BBS9: variants seen among roughly 807,000 people sequenced by gnomAD.
BBS9 encodes Bardet-Biedl syndrome 9.
Under a neutral mutation model 117.7 loss-of-function variants are expected in BBS9, and 89 were observed. The observed-to-expected ratio is 0.76, with a 90% CI of 0.64 to 0.90. The LOEUF (loss-of-function observed/expected upper bound fraction) is 0.90. BBS9 is among the 40% of genes least tolerant of loss of function. The pLI, the probability that BBS9 is intolerant of heterozygous loss-of-function variation, is 0.00. For synonymous variants in BBS9, 379 were observed against 370.9 expected (o/e 1.02, Z -0.25); for missense variants, 982 against 1,042.2 (o/e 0.94, Z 0.80).
intron 9 of BBS9, among the ~76,000 whole-genome samples, chr7:33,299,519 C>T (rs1805941212): frequency 6.7e-6 from 1 of 149,398 alleles, no homozygotes; most frequent in Non-Finnish European, 1.5e-5. Context: ...ATAATGTTCT[C>T]TTCCAAAATA....
chr7:33,236,761 A>AT (rs1346243673), intron 5 of BBS9, among the ~76,000 whole-genome samples: 4 of 151,650 alleles, frequency 2.6e-5, no homozygotes, highest in African/African-American at 4.8e-5. Context: ...TTATCAACTT[A>AT]TTTTTTTTGT....
At chr7:33,330,529 T>C (rs559673037) in intron 9 of BBS9, among the ~76,000 whole-genome samples, 3 of 152,346 alleles carry the variant, frequency 2.0e-5, no homozygotes, top group South Asian at 2.1e-4. Context: ...TGCGTTCTTA[T>C]AGCAAAAGTT....
chr7:33,349,070 C>A lies in BBS9; in HGVS notation c.1332C>A (p.Val444=). The A allele has an allele frequency of 1.3e-6, 2 of 1,596,574 alleles. No homozygotes were observed. Among genetic ancestry groups the A allele is most frequent in the South Asian group, 1.1e-5 (1 of 90,638 alleles). ...GATAACAATTTCTGTTTCCTTAGGT[C>A]ACACTGCAGAACAGAGTGATATTGC... ...TDLVPSVTVK[V]TLQNRVILQK... The change falls in exon 13 of 23, where the codon GTC becomes GTA. Residue 444 remains valine (V), a splice_region_variant and synonymous_variant. Coordinates refer to ENST00000242067, the MANE Select transcript of BBS9 (RefSeq NM_198428.3).
chr7:33,573,572 A>C (rs1202719806), intron 21 of BBS9, among the ~76,000 whole-genome samples: 1 of 152,116 alleles, frequency 6.6e-6, no homozygotes, highest in Non-Finnish European at 1.5e-5. Flanking sequence ...AGTAGTTTCA[A>C]CTGTTTTGCT....
chr7:33,384,126 T>C (rs1187780299), intron 18 of BBS9, among the ~76,000 whole-genome samples: 2 of 152,208 alleles, frequency 1.3e-5, no homozygotes, highest in Admixed American at 6.5e-5. Context: ...AATAACCCAG[T>C]GTTAAAACTA....
At chr7:33,404,397 T>G (rs1829538456) in intron 19 of BBS9, among the ~76,000 whole-genome samples, 1 of 152,150 alleles carries the variant, frequency 6.6e-6, no homozygotes, top group Non-Finnish European at 1.5e-5. Flanking sequence ...ATTGGTAGCT[T>G]GATGGGGATG....
At chr7:33,403,803 T>C (rs1326684624) in intron 19 of BBS9, among the ~76,000 whole-genome samples, 1 of 152,102 alleles carries the variant, frequency 6.6e-6, no homozygotes, top group Middle Eastern at 3.2e-3. Context: ...TATAGCAGCA[T>C]GATTTATAGT....
At chr7:33,526,827 C>G (rs535852347) in intron 20 of BBS9, among the ~76,000 whole-genome samples, 256 of 150,572 alleles carry the variant, frequency 1.7e-3, no homozygotes, top group Admixed American at 3.3e-3. Context: ...AGGCCCTCTG[C>G]TTTTTAGAGT....
intron 9 of BBS9, among the ~76,000 whole-genome samples, chr7:33,317,426 T>A (rs1440292808): frequency 1.3e-5 from 2 of 150,986 alleles, no homozygotes; most frequent in African/African-American, 4.9e-5. Flanking sequence ...TTATGTTGCA[T>A]CTGTAGATCA....
At chr7:33,313,458 A>G (rs900239010) in intron 9 of BBS9, among the ~76,000 whole-genome samples, 7 of 152,140 alleles carry the variant, frequency 4.6e-5, no homozygotes, top group African/African-American at 7.2e-5. Flanking sequence ...CTGGTTAGCA[A>G]TTGTTTAGTC....
chr7:33,572,875 A>G (rs1858057514), intron 21 of BBS9, among the ~76,000 whole-genome samples: 2 of 152,006 alleles, frequency 1.3e-5, no homozygotes, highest in Admixed American at 1.3e-4. Flanking sequence ...TAAAATTAAT[A>G]TAGGATTGAT....
intron 21 of BBS9, among the ~76,000 whole-genome samples, chr7:33,544,927 G>T (rs1291465357): frequency 1.3e-5 from 2 of 152,048 alleles, no homozygotes; most frequent in Admixed American, 6.5e-5. Flanking sequence ...GTACCTAGGA[G>T]GTTTATGGCT....
At chr7:33,430,899 A>G (rs928170062) in intron 19 of BBS9, among the ~76,000 whole-genome samples, 4 of 152,082 alleles carry the variant, frequency 2.6e-5, no homozygotes, top group African/African-American at 9.7e-5. Flanking sequence ...AGATTTGACA[A>G]TGGTACTGGC....
At chr7:33,174,782 G>A (rs1797087864) in intron 4 of BBS9, among the ~76,000 whole-genome samples, 1 of 152,204 alleles carries the variant, frequency 6.6e-6, no homozygotes, top group Non-Finnish European at 1.5e-5. Flanking sequence ...TAAACCAGGT[G>A]ACTCTTGGAG....
intron 9 of BBS9, among the ~76,000 whole-genome samples, chr7:33,325,578 T>C (rs1463986784): frequency 1.4e-4 from 21 of 152,194 alleles, no homozygotes; most frequent in Admixed American, 1.4e-3. Context: ...GTTAGGTATT[T>C]ATTGTAGCCT....
At chr7:33,246,288 C>T (rs1312567158) in intron 5 of BBS9, among the ~76,000 whole-genome samples, 3 of 148,830 alleles carry the variant, frequency 2.0e-5, no homozygotes, top group Admixed American at 6.7e-5. Context: ...AATTTCCTGG[C>T]TTTAGTTGTT....
In BBS9 at chr7:33,193,421, C is replaced by CGTTTTTTTTTTTTTTTTT. The variant is rs1562773513; in HGVS notation, c.442+15830_442+15831insGTTTTTTTTTTTTTTTTT. 1.5e-4 allele frequency among the ~76,000 whole-genome samples: 10 copies of CGTTTTTTTTTTTTTTTTT among 67,792 alleles called. 4 individuals carry two copies. The highest frequency in any genetic ancestry group is 3.3e-4 in the Non-Finnish European group (10 of 30,422). The allele number at this position is 67,792 out of a possible 152,430, so 44.5% of individuals were successfully genotyped here. On this transcript the variant is annotated intron_variant, in intron 5 of 22. Coordinates refer to ENST00000242067, the MANE Select transcript of BBS9 (RefSeq NM_198428.3). ...TTGTCTTCCCCTGTCCCTCTCTCTG[C>CGTTTTTTTTTTTTTTTTT]CTTTTTTTTTTTTTTTTTTTGTAGT...
chr7:33,138,972 G>T (rs1010194390), intron 1 of BBS9, among the ~76,000 whole-genome samples: 5 of 151,288 alleles, frequency 3.3e-5, no homozygotes, highest in East Asian at 2.2e-4. Context: ...GAGAAATGAG[G>T]CCAGGTGTGG....
At chr7:33,465,249 A>AG (rs1262496010) in intron 19 of BBS9, among the ~76,000 whole-genome samples, 2 of 149,716 alleles carry the variant, frequency 1.3e-5, no homozygotes, top group East Asian at 3.9e-4. Flanking sequence ...AAAAAAAAAA[A>AG]CATGATTTAT....
Sources: allele counts gnomAD v4.1 joint callset (sites outside exome capture counted in the v4.1 genomes callset), GRCh38; gene constraint gnomAD v4.1.1; transcripts MANE v1.5; gene names NCBI Gene and HGNC (gene_info 2026-07-23, HGNC 2026-07-21).